APCDD1L: variants seen among roughly 807,000 people sequenced by gnomAD.
APCDD1L encodes protein APCDD1-like.
In APCDD1L, 21 loss-of-function variants were observed where a neutral mutation model predicts 24.2. The ratio of observed to expected loss-of-function variants is 0.87; its 90% CI spans 0.61 to 1.25. The LOEUF (loss-of-function observed/expected upper bound fraction) is 1.25, where lower values mean the gene tolerates loss of function less well. Among genes scored for constraint, APCDD1L ranks in the 50% most tolerant of loss-of-function variants. The probability of loss-of-function intolerance (pLI) is 0.00; values close to 1 mark genes in which losing one functional copy is unlikely to be tolerated. For synonymous variants in APCDD1L, 321 were observed against 323.6 expected, an observed-to-expected ratio of 0.99 and a Z score of 0.09; for missense variants, 704 against 711.7, an observed-to-expected ratio of 0.99 and a Z score of 0.12.
intron 1 of APCDD1L, among the ~76,000 whole-genome samples, chr20:58,506,929 A>G (rs1269202862): frequency 6.6e-6 from 1 of 152,190 alleles, no homozygotes; most frequent in Non-Finnish European, 1.5e-5. Context: ...AGTTGAGGCA[A>G]GAAGCTTGGT....
intron 1 of APCDD1L, among the ~76,000 whole-genome samples, chr20:58,505,582 A>G (rs1181326454): frequency 6.6e-6 from 1 of 152,154 alleles, no homozygotes; most frequent in Non-Finnish European, 1.5e-5. Flanking sequence ...CAACTGTTGG[A>G]TGATCATGTT....
chr20:58,505,320 C>A (rs143811041), intron 1 of APCDD1L, among the ~76,000 whole-genome samples: 1 of 152,290 alleles, frequency 6.6e-6, no homozygotes, highest in African/African-American at 2.4e-5. Flanking sequence ...CCACTTTGGC[C>A]TCCCAAAGTG....
chr20:58,460,841 G>C lies in APCDD1L; in HGVS notation c.1455C>G (p.Pro485=). ...HPSTGGLHIA[P]FPLLPLVLGL... ...CTAGAACTAGGGGCAGAAGTGGGAAGGGGGCTATGTGAAGACCCCCTGTGC... is the reference window on the plus strand; with the variant it reads ...CTAGAACTAGGGGCAGAAGTGGGAACGGGGCTATGTGAAGACCCCCTGTGC... The change falls in exon 4 of 4, where the codon CCC becomes CCG. Residue 485 remains proline, a synonymous_variant. Transcript: ENST00000371149. The surrounding 1 kb of genome is among the most constrained non-coding windows in gnomAD (Gnocchi z 4.2). The C allele has an allele frequency of 6.5e-7, 1 of 1,547,852 alleles. No individual in the cohort carries two copies. Among genetic ancestry groups the C allele is most frequent in the South Asian group, 1.2e-5 (1 of 80,840 alleles).
chr20:58,514,639 TG>T lies in APCDD1L; in HGVS notation c.49+19del, dbSNP rs1307273219. The T allele has an allele frequency of 2.3e-6, 3 of 1,312,860 alleles. No homozygotes were observed. Among genetic ancestry groups the T allele is most frequent in the Non-Finnish European group, 2.9e-6 (3 of 1,024,008 alleles). 81.3% of individuals were successfully genotyped at this position (1,312,860 alleles called of 1,614,324 possible). ...TTCCGAGCTCAGCCAGTTTGCCGGG[TG>T]GGGGAGGGTGGCACCTACCTCCCAA... On this transcript the variant is annotated intron_variant, in intron 1 of 3. Coordinates refer to ENST00000371149, the MANE Select transcript of APCDD1L (RefSeq NM_153360.3).
rs759373148 is a variant in APCDD1L, at chr20:58,510,495, G to A, written c.49+4164C>T. Among the ~76,000 whole-genome samples the A allele has an allele frequency of 1.9e-4, 29 of 152,180 alleles. 1 individual carries two copies. Among genetic ancestry groups the A allele is most frequent in the Non-Finnish European group, 4.1e-4 (28 of 68,026 alleles). The stretch of plus-strand genomic sequence containing the variant: ...TTCCAGGTGCCTGACACCACACCCA[G>A]CTAATTTTTTATTTTTAGTGGAGAC... On this transcript the variant is annotated intron_variant, in intron 1 of 3. Coordinates refer to ENST00000371149, the MANE Select transcript of APCDD1L (RefSeq NM_153360.3).
chr20:58,502,571 C>A (rs1990456642), intron 1 of APCDD1L, among the ~76,000 whole-genome samples: 1 of 152,160 alleles, frequency 6.6e-6, no homozygotes, highest in Non-Finnish European at 1.5e-5. Context: ...TGTTGAAGAA[C>A]TGAATACTTG....
chr20:58,472,912 GCACGTC>G (rs1989838889), intron 1 of APCDD1L, among the ~76,000 whole-genome samples: 1 of 152,206 alleles, frequency 6.6e-6, no homozygotes, highest in African/African-American at 2.4e-5. Context: ...GCTGACGGGT[GCACGTC>G]AGCGTCAACA....
Position 58,460,706 on chromosome 20 carries a change from T to G in APCDD1L, c.*84A>C. The G allele has an allele frequency of 7.0e-7, 1 of 1,420,942 alleles. No individual in the cohort carries two copies. Among genetic ancestry groups the G allele is most frequent in the South Asian group, 1.5e-5 (1 of 64,758 alleles). The allele number at this position is 1,420,942 out of a possible 1,614,324, so 88.0% of individuals were successfully genotyped here. The stretch of plus-strand genomic sequence containing the variant: ...CCATCCATGACAGAGCAGAGGAGAA[T>G]GGTTCCTTCCCTACAGCTGCCAGGA... On this transcript the variant is annotated 3_prime_UTR_variant, in exon 4 of 4. Coordinates refer to ENST00000371149, the MANE Select transcript of APCDD1L (RefSeq NM_153360.3). This position sits in a 1 kb window ranked among gnomAD's most constrained non-coding sequence, Gnocchi z 4.2.
chr20:58,476,897 G>A (rs1020198758), intron 1 of APCDD1L, among the ~76,000 whole-genome samples: 9 of 152,104 alleles, frequency 5.9e-5, no homozygotes, highest in African/African-American at 1.2e-4. Flanking sequence ...CTCCATCTTC[G>A]CGGAGATCTC....
rs751741151 is a variant in APCDD1L, at chr20:58,467,391, G to T, written c.456C>A (p.Thr152=). ...LVDVTGRLNQ[T]RAGRDCARRL... is the part of the protein sequence containing the mutation. ...GCCGCGCGCAGTCCCGGCCGGCGCG[G>T]GTCTGGTTGAGGCGCCCGGTGACGT... The change falls in exon 3 of 4, where the codon ACC becomes ACA. Residue 152 remains threonine, a synonymous_variant. Transcript: ENST00000371149. This position sits in a 1 kb window ranked among gnomAD's most constrained non-coding sequence, Gnocchi z 5.9. The T allele has an allele frequency of 3.3e-6, 5 of 1,523,210 alleles. No individual in the cohort carries two copies. In the South Asian group the frequency reaches 3.7e-5, roughly 11 times the overall value. The allele number at this position is 1,523,210 out of a possible 1,614,324, so 94.4% of individuals were successfully genotyped here. A position where few individuals can be genotyped will look rare whatever the true frequency, so the allele number is the denominator to read the frequency against.
rs547712355 is a variant in APCDD1L at position 58,506,535 on chromosome 20, G to T, written c.49+8124C>A. Among the ~76,000 whole-genome samples, 99 of 152,318 alleles carry T rather than the reference G, an allele frequency of 6.5e-4. 3 individuals carry two copies. In the South Asian group the frequency reaches 0.02, roughly 31 times the overall value. The stretch of plus-strand genomic sequence containing the variant: ...AGCCCCATGGGTTAAACATCATTTT[G>T]CAAAGGAGGAAACTGAGGCATGGAG... On this transcript the variant is annotated intron_variant, in intron 1 of 3. Transcript: ENST00000371149.
intron 1 of APCDD1L, among the ~76,000 whole-genome samples, chr20:58,510,201 C>T (rs1412397672): frequency 6.6e-6 from 1 of 152,172 alleles, no homozygotes; most frequent in Non-Finnish European, 1.5e-5. Context: ...TTTAGTTGCC[C>T]TATTTTCCAT....
intron 1 of APCDD1L, among the ~76,000 whole-genome samples, chr20:58,496,638 T>C (rs141191287): frequency 3.1e-4 from 47 of 152,254 alleles, no homozygotes; most frequent in Middle Eastern, 6.8e-3. Context: ...ACAGAGCTAA[T>C]GTCGGGGGTC....
chr20:58,469,991 G>A (rs1286389990), intron 2 of APCDD1L, among the ~76,000 whole-genome samples: 1 of 152,210 alleles, frequency 6.6e-6, no homozygotes, highest in Non-Finnish European at 1.5e-5. Flanking sequence ...TCCATTGGCC[G>A]CAAAGCAGCG....
In APCDD1L at chr20:58,494,986, C is replaced by T. The variant is rs945884360; in HGVS notation, c.49+19673G>A. 2.0e-5 allele frequency among the ~76,000 whole-genome samples: 3 copies of T among 152,176 alleles called. No individual in the cohort carries two copies. Among genetic ancestry groups the T allele is most frequent in the Admixed American group, 6.5e-5 (1 of 15,292 alleles). On this transcript the variant is annotated intron_variant, in intron 1 of 3. Transcript: ENST00000371149. The surrounding 1 kb of genome is among the most constrained non-coding windows in gnomAD (Gnocchi z 4.8). ...CCCCATGACCTTGTCTCAAGGTGGG[C>T]CCTCTGGTGTCCCCTGGAGCCTGCT...
chr20:58,482,716 G>A (rs1411955903), intron 1 of APCDD1L, among the ~76,000 whole-genome samples: 1 of 152,180 alleles, frequency 6.6e-6, no homozygotes, highest in Non-Finnish European at 1.5e-5. Flanking sequence ...AAACCTTCCA[G>A]ATAGGGGTGA....
chr20:58,507,571 T>G (rs1439461966), intron 1 of APCDD1L, among the ~76,000 whole-genome samples: 3 of 152,112 alleles, frequency 2.0e-5, no homozygotes, highest in African/African-American at 7.2e-5. Context: ...TGGTAATTTA[T>G]GGTAGGAATA....
At chr20:58,514,345 G>A (rs1292240039) in intron 1 of APCDD1L, among the ~76,000 whole-genome samples, 1 of 152,210 alleles carries the variant, frequency 6.6e-6, no homozygotes, top group African/African-American at 2.4e-5. Context: ...TCTTCTTGGA[G>A]GCCCCGGTCC....
Position 58,514,874 on chromosome 20 carries a change from T to C in APCDD1L, c.-167A>G, listed in dbSNP as rs940405659. Reference sequence around the variant, plus strand: ...CTCGGCGCTCACACGCGCTCAGCCTTCCCGGCTGTTGATAGTTGTAAGCGG... The same window carrying C: ...CTCGGCGCTCACACGCGCTCAGCCTCCCCGGCTGTTGATAGTTGTAAGCGG... On this transcript the variant is annotated 5_prime_UTR_variant, in exon 1 of 4. Coordinates refer to ENST00000371149, the MANE Select transcript of APCDD1L (RefSeq NM_153360.3). The C allele has an allele frequency of 2.3e-6, 1 of 441,886 alleles. No individual in the cohort carries two copies. The highest frequency in any genetic ancestry group is 3.7e-6 in the Non-Finnish European group (1 of 267,100). The allele number at this position is 441,886 out of a possible 1,614,324, so 27.4% of individuals were successfully genotyped here.
Sources: gnomAD v4.1 joint callset for allele counts (sites outside exome capture counted in the v4.1 genomes callset) on GRCh38, gnomAD v4.1.1 for gene constraint, Gnocchi (gnomAD v3.1) non-coding constraint, MANE v1.5 for transcripts, NCBI Gene and HGNC (gene_info 2026-07-23, HGNC 2026-07-21) for gene names.